The following SERP2 variants were observed in gnomAD, a reference collection of about 807,000 sequenced individuals.
SERP2 encodes stress-associated endoplasmic reticulum protein 2.
In SERP2, 6 loss-of-function variants were observed where a neutral mutation model predicts 9.1. The ratio of observed to expected loss-of-function variants is 0.66; its 90% confidence interval spans 0.36 to 1.30. The LOEUF (loss-of-function observed/expected upper bound fraction) is 1.30. Ranked by LOEUF, SERP2 falls within the 50% of genes most tolerant of loss-of-function variation. SERP2 has a pLI of 0.03. For missense variants in SERP2, 58 were observed against 81.9 expected (o/e 0.71, Z 1.13); for synonymous variants, 37 against 27.3 (o/e 1.35, Z -1.10).
At chr13:44,375,122 G>A (rs73186919) in intron 1 of SERP2, among the ~76,000 whole-genome samples, 138 of 152,210 alleles carry the variant, frequency 9.1e-4, no homozygotes, top group Non-Finnish European at 1.7e-3. Context: ...CTGTTACCCC[G>A]TACAGTTAAG....
intron 2 of SERP2, among the ~76,000 whole-genome samples, chr13:44,388,407 A>G (rs146138120): frequency 8.5e-5 from 13 of 152,232 alleles, no homozygotes; most frequent in Non-Finnish European, 1.5e-4. Flanking sequence ...ATATCTCCCT[A>G]TGTTGCTGGA....
intron 2 of SERP2, among the ~76,000 whole-genome samples, chr13:44,381,107 C>G (rs1298451423): frequency 6.6e-6 from 1 of 152,078 alleles, no homozygotes; most frequent in Admixed American, 6.6e-5. Flanking sequence ...TTTGGCAGCG[C>G]ATGCCTGTAA....
At position 44,374,016 on chromosome 13, in the gene SERP2, C is replaced by T. The variant is rs1310457572; in HGVS notation, c.-10C>T. On this transcript the variant is annotated 5_prime_UTR_variant, in exon 1 of 3. Transcript: ENST00000379179. ...CCTTGCAGGTGGGAGCATTTCAGAG[C>T]GCACAAGCCATGGTGGCCAAACAGC... The T allele has an allele frequency of 3.1e-6, 5 of 1,593,292 alleles. No individual in the cohort carries two copies. In the Admixed American group the frequency reaches 5.1e-5, roughly 16 times the overall value.
At chr13:44,379,772 C>T (rs1871860851) in intron 2 of SERP2, 59 bp downstream of exon 2, 12 of 1,156,582 alleles carry the variant, frequency 1.0e-5, no homozygotes, top group African/African-American at 3.1e-5. Flanking sequence ...GAAAAACACA[C>T]GTTTTCTTCA....
chr13:44,374,302 TG>T (rs1051671107), intron 1 of SERP2, among the ~76,000 whole-genome samples, 193 bp downstream of exon 1: 5 of 152,248 alleles, frequency 3.3e-5, no homozygotes, highest in Admixed American at 1.3e-4. Flanking sequence ...GGCGTCCTCG[TG>T]GGCGGAGAGG....
At chr13:44,390,693 A>G (rs1566094453) in intron 2 of SERP2, 1 of 175,416 alleles carries the variant, frequency 5.7e-6, no homozygotes, top group Non-Finnish European at 1.2e-5. Context: ...TTCTTTGCTA[A>G]TAACATCTGG....
At position 44,377,892 on chromosome 13, in the gene SERP2, T is replaced by G. The variant is rs563737992; in HGVS notation, c.85-1749T>G. Among the ~76,000 whole-genome samples the G allele has an allele frequency of 2.6e-5, 4 of 152,362 alleles. No individual in the cohort carries two copies. The South Asian group carries it at 8.3e-4, about 32-fold the overall frequency. On this transcript the variant is annotated intron_variant, in intron 1 of 2. Coordinates refer to ENST00000379179, the MANE Select transcript of SERP2 (RefSeq NM_001010897.3). ...GTTCTGTGGCAGGCATTTCTATATATTACTACATGAACAAGACATAGTCCC... is the reference window on the plus strand; with the variant it reads ...GTTCTGTGGCAGGCATTTCTATATAGTACTACATGAACAAGACATAGTCCC...
chr13:44,387,264 G>A (rs1872369050), intron 2 of SERP2, among the ~76,000 whole-genome samples: 1 of 152,048 alleles, frequency 6.6e-6, no homozygotes, highest in Admixed American at 6.5e-5. Flanking sequence ...CTCTCCTCTG[G>A]GCGTTTTCTT....
At chr13:44,374,239 G>A (rs1025905361) in intron 1 of SERP2, 130 bp downstream of exon 1, 9 of 593,426 alleles carry the variant, frequency 1.5e-5, no homozygotes, top group Non-Finnish European at 1.8e-5. Flanking sequence ...CCCTTCTGCG[G>A]GGTCCTGCAG....
Position 44,373,947 on chromosome 13 carries a change from C to A in SERP2, c.-79C>A, listed in dbSNP as rs1392591745. 6.6e-6 allele frequency: 9 copies of A among 1,357,530 alleles called. No individual in the cohort carries two copies. Among genetic ancestry groups the A allele is most frequent in the Admixed American group, 2.1e-5 (1 of 46,724 alleles). 84.1% of individuals were successfully genotyped at this position (1,357,530 alleles called of 1,614,324 possible). ...CCCGGGTGGGCCGCGGGGGCCTCGG[C>A]GGGACGCGCTCGGCCCTGTCGCAGG... On this transcript the variant is annotated 5_prime_UTR_variant, in exon 1 of 3. Transcript: ENST00000379179. The surrounding 1 kb of genome is among the most constrained non-coding windows in gnomAD (Gnocchi z 4.8).
intron 2 of SERP2, among the ~76,000 whole-genome samples, chr13:44,388,622 G>C (rs1225751762): frequency 6.6e-6 from 1 of 152,230 alleles, no homozygotes; most frequent in Admixed American, 6.5e-5. Context: ...TCGTCTGTCA[G>C]TTAACAGGCG....
intron 2 of SERP2, among the ~76,000 whole-genome samples, chr13:44,386,662 C>T (rs940901647): frequency 2.0e-5 from 3 of 152,194 alleles, no homozygotes; most frequent in Non-Finnish European, 4.4e-5. Context: ...GGATTACAGG[C>T]GTGAGCCACC....
At chr13:44,374,312 G>C (rs1258411890) in intron 1 of SERP2, among the ~76,000 whole-genome samples, 1 of 152,202 alleles carries the variant, frequency 6.6e-6, no homozygotes, top group African/African-American at 2.4e-5. Context: ...TGGGCGGAGA[G>C]GGCCCTGGTT....
intron 2 of SERP2, among the ~76,000 whole-genome samples, chr13:44,385,535 A>G (rs1354923444): frequency 6.6e-6 from 1 of 152,198 alleles, no homozygotes; most frequent in East Asian, 1.9e-4. Flanking sequence ...TTATCTAAAT[A>G]CATCCTTTTC....
intron 2 of SERP2, among the ~76,000 whole-genome samples, chr13:44,380,713 C>G (rs1871922852): frequency 6.6e-6 from 1 of 152,130 alleles, no homozygotes; most frequent in Non-Finnish European, 1.5e-5. Context: ...ATGAGAAAAT[C>G]TTACACTCAA....
intron 2 of SERP2, among the ~76,000 whole-genome samples, chr13:44,384,235 T>G (rs570303521): frequency 6.6e-6 from 1 of 152,354 alleles, no homozygotes; most frequent in Admixed American, 6.5e-5. Flanking sequence ...GATCCGTCCC[T>G]GTTGCCACCT....
At chr13:44,379,025 C>A (rs571772510) in intron 1 of SERP2, among the ~76,000 whole-genome samples, 7 of 152,312 alleles carry the variant, frequency 4.6e-5, no homozygotes, top group African/African-American at 1.7e-4. Context: ...GCAAGGATTT[C>A]CACTGTACTG....
At chr13:44,391,599 A>C (rs1872773484) in intron 2 of SERP2, among the ~76,000 whole-genome samples, 1 of 152,228 alleles carries the variant, frequency 6.6e-6, no homozygotes, top group Admixed American at 6.5e-5. Flanking sequence ...CTATGAAATC[A>C]TACAATGCAA....
chr13:44,396,779 C>G (rs1445795452), intron 2 of SERP2, among the ~76,000 whole-genome samples: 2 of 152,220 alleles, frequency 1.3e-5, no homozygotes, highest in African/African-American at 2.4e-5. Flanking sequence ...AAGATACTCA[C>G]GCATGGAGGG....
Sources: allele counts gnomAD v4.1 joint callset (sites outside exome capture counted in the v4.1 genomes callset), GRCh38; gene constraint gnomAD v4.1.1; non-coding constraint Gnocchi (gnomAD v3.1); transcripts MANE v1.5; gene names NCBI Gene and HGNC (gene_info 2026-07-23, HGNC 2026-07-21).